The following PCDHGB6 variants were observed in gnomAD, a reference collection of about 807,000 sequenced individuals.
PCDHGB6 encodes the protein protocadherin gamma subfamily B, 6.
In PCDHGB6, 51 loss-of-function variants were observed where a neutral mutation model predicts 59.1. The observed-to-expected ratio is 0.86, with a 90% CI of 0.69 to 1.09. The LOEUF is 1.09. Among genes scored for constraint, PCDHGB6 ranks in the 50% least tolerant of loss-of-function variants. The pLI is 0.00. For synonymous variants in PCDHGB6, 466 were observed against 495.1 expected (o/e 0.94, Z 0.78); for missense variants, 1,148 against 1,205.1 (o/e 0.95, Z 0.70).
chr5:141,441,840 C>T (rs2098278154), intron 1 of PCDHGB6: 1 of 355,864 alleles, frequency 2.8e-6, no homozygotes, highest in Non-Finnish European at 5.5e-6. Flanking sequence ...GCTTCGCGCT[C>T]TTGGATATGG....
In PCDHGB6 at chr5:141,476,836, T is replaced by C. The variant is rs772607917; in HGVS notation, c.2419-17971T>C. On this transcript the variant is annotated intron_variant, in intron 1 of 3. Coordinates refer to ENST00000520790, the MANE Select transcript of PCDHGB6 (RefSeq NM_018926.3). The surrounding 1 kb of genome is among the most constrained non-coding windows in gnomAD (Gnocchi z 7.6). ...TCAAGGTGCTGGACGCGAATGACAATGCGCCTGTCTTCAACCAGTCCTTGT... is the reference window on the plus strand; with the variant it reads ...TCAAGGTGCTGGACGCGAATGACAACGCGCCTGTCTTCAACCAGTCCTTGT... 1.9e-6 allele frequency: 3 copies of C among 1,613,652 alleles called. 1 individual carries two copies. The highest frequency in any genetic ancestry group is 2.2e-5 in the East Asian group (1 of 44,852).
chr5:141,457,159 T>C (rs908257499), intron 1 of PCDHGB6, among the ~76,000 whole-genome samples: 5 of 152,212 alleles, frequency 3.3e-5, no homozygotes, highest in Non-Finnish European at 7.3e-5. Flanking sequence ...GGTGCTACCA[T>C]GGATAACCCT....
chr5:141,466,754 C>G (rs1045917268), intron 1 of PCDHGB6, among the ~76,000 whole-genome samples: 2 of 152,138 alleles, frequency 1.3e-5, no homozygotes, highest in South Asian at 2.1e-4. Context: ...GATAGGGGCT[C>G]TTTTCAAACT....
rs1187424114 is a variant in PCDHGB6, at chr5:141,485,341, G to A, written c.2419-9466G>A. On this transcript the variant is annotated intron_variant, in intron 1 of 3. Transcript: ENST00000520790. The surrounding 1 kb of genome is among the most constrained non-coding windows in gnomAD (Gnocchi z 5.7). ...TCGCTCAAGATTTCCTGCTGGATAC[G>A]GACAGTCTGTCAGCTCGCAGGCTGC... 2 of 1,614,118 alleles carry A rather than the reference G, an allele frequency of 1.2e-6. No individual in the cohort carries two copies. The highest frequency in any genetic ancestry group is 1.7e-5 in the Admixed American group (1 of 60,018).
At chr5:141,422,209 C>G (rs1463323983) in intron 1 of PCDHGB6, 1 of 1,561,666 alleles carries the variant, frequency 6.4e-7, no homozygotes, top group East Asian at 2.2e-5. Context: ...TGGTGGAGGT[C>G]TCTTTACCAC....
At chr5:141,483,100 G>A (rs1051736065) in intron 1 of PCDHGB6, among the ~76,000 whole-genome samples, 11 of 152,078 alleles carry the variant, frequency 7.2e-5, no homozygotes, top group South Asian at 2.1e-4. Flanking sequence ...AAAAGTGTGC[G>A]TGTAAAACAG....
Position 141,490,705 on chromosome 5 carries a change from C to T in PCDHGB6, c.2419-4102C>T. 1 of 1,614,194 alleles carries T rather than the reference C, an allele frequency of 6.2e-7. No individual in the cohort carries two copies. Among genetic ancestry groups the T allele is most frequent in the South Asian group, 1.1e-5 (1 of 91,082 alleles). On this transcript the variant is annotated intron_variant, in intron 1 of 3. Coordinates refer to ENST00000520790, the MANE Select transcript of PCDHGB6 (RefSeq NM_018926.3). This position sits in a 1 kb window ranked among gnomAD's most constrained non-coding sequence, Gnocchi z 5.4. ...TCCAGACACTGGGGATAATGCCCGC[C>T]TCACCTACTCCATTGTAGGAAATCA...
At chr5:141,497,212 G>C (rs968445663) in intron 2 of PCDHGB6, among the ~76,000 whole-genome samples, 2 of 151,018 alleles carry the variant, frequency 1.3e-5, no homozygotes, top group East Asian at 3.9e-4. Context: ...AGTGTAATGG[G>C]GGGGGGAAGA....
At position 141,477,068 on chromosome 5, in the gene PCDHGB6, C is replaced by A; in HGVS notation, c.2419-17739C>A. 6.2e-7 allele frequency: 1 copy of A among 1,614,268 alleles called. No homozygotes were observed. The highest frequency in any genetic ancestry group is 8.5e-7 in the Non-Finnish European group (1 of 1,180,046). On this transcript the variant is annotated intron_variant, in intron 1 of 3. Transcript: ENST00000520790. This position sits in a 1 kb window ranked among gnomAD's most constrained non-coding sequence, Gnocchi z 4.9. ...GCTGGACTTCGAGGACACCAAACTCCATGAGATTTACATCCAGGCCAAAGA... is the reference window on the plus strand; with the variant it reads ...GCTGGACTTCGAGGACACCAAACTCAATGAGATTTACATCCAGGCCAAAGA...
intron 1 of PCDHGB6, among the ~76,000 whole-genome samples, chr5:141,472,516 G>T (rs545962540): frequency 2.0e-5 from 3 of 152,072 alleles, no homozygotes; most frequent in Non-Finnish European, 4.4e-5. Flanking sequence ...CTCCAGCCTG[G>T]GTGACAGAGT....
intron 3 of PCDHGB6, among the ~76,000 whole-genome samples, chr5:141,509,045 GC>G (rs1165443091): frequency 6.6e-6 from 1 of 152,060 alleles, no homozygotes; most frequent in Non-Finnish European, 1.5e-5. Context: ...CCTCTCCCCC[GC>G]CCCCAGAAAG....
chr5:141,417,550 A>G, intron 1 of PCDHGB6: 1 of 326,094 alleles, frequency 3.1e-6, no homozygotes, highest in Non-Finnish European at 5.5e-6. Flanking sequence ...ATTCCTTGAA[A>G]GAGGTAGAGA....
chr5:141,470,147 T>A (rs1394329530), intron 1 of PCDHGB6, among the ~76,000 whole-genome samples: 1 of 152,172 alleles, frequency 6.6e-6, no homozygotes. Context: ...AGATCATAGA[T>A]CATCTTATCA....
In PCDHGB6 at chr5:141,410,628, T is replaced by G. The variant is rs758174899; in HGVS notation, c.2418+8T>G. The G allele has an allele frequency of 6.2e-7, 1 of 1,602,040 alleles. No individual in the cohort carries two copies. Among genetic ancestry groups the G allele is most frequent in the South Asian group, 1.1e-5 (1 of 90,754 alleles). On this transcript the variant is annotated splice_region_variant and intron_variant, in intron 1 of 3. Transcript: ENST00000520790. The stretch of plus-strand genomic sequence containing the variant: ...CCTGAGACTCTGACTTCGGTGAGTT[T>G]CTCTTTTTTGTGTGTGATTTATCTA...
intron 1 of PCDHGB6, chr5:141,427,068 G>A (rs1407368715): frequency 2.2e-6 from 1 of 457,950 alleles, no homozygotes; most frequent in East Asian, 6.9e-5. Flanking sequence ...TGTACTAAAG[G>A]TGACAGCCAC....
intron 1 of PCDHGB6, chr5:141,414,350 C>G (rs1450829111): frequency 6.2e-7 from 1 of 1,613,726 alleles, no homozygotes; most frequent in East Asian, 2.2e-5. Context: ...TCCATTTTGG[C>G]GTATCTACCA....
chr5:141,432,070 T>C lies in PCDHGB6; in HGVS notation c.2418+21450T>C. 6.2e-7 allele frequency: 1 copy of C among 1,614,136 alleles called. No homozygotes were observed. The highest frequency in any genetic ancestry group is 2.2e-5 in the East Asian group (1 of 44,860). ...CCCCGCCCCTATCCACGGAAACTCATATCTCGCTGAACGTGGCAGACACCA... is the reference window on the plus strand; with the variant it reads ...CCCCGCCCCTATCCACGGAAACTCACATCTCGCTGAACGTGGCAGACACCA... On this transcript the variant is annotated intron_variant, in intron 1 of 3. Transcript: ENST00000520790. The surrounding 1 kb of genome is among the most constrained non-coding windows in gnomAD (Gnocchi z 6.0).
intron 3 of PCDHGB6, 154 bp from the exon 4 acceptor site, chr5:141,510,793 G>A: frequency 1.1e-6 from 1 of 935,078 alleles, no homozygotes; most frequent in Non-Finnish European, 1.3e-6. Context: ...CTCTTGTGAA[G>A]AGAGACTACC....
At chr5:141,497,203 G>C (rs750138875) in intron 2 of PCDHGB6, among the ~76,000 whole-genome samples, 3 of 91,718 alleles carry the variant, frequency 3.3e-5, no homozygotes, top group African/African-American at 2.8e-4. Flanking sequence ...AACAATGTGA[G>C]TGTAATGGGG....
Sources: gnomAD v4.1 joint callset for allele counts (sites outside exome capture counted in the v4.1 genomes callset) on GRCh38, gnomAD v4.1.1 for gene constraint, Gnocchi (gnomAD v3.1) non-coding constraint, MANE v1.5 for transcripts, NCBI Gene and HGNC (gene_info 2026-07-23, HGNC 2026-07-21) for gene names.